ZFP14: variants seen among roughly 807,000 people sequenced by gnomAD.
The protein encoded by ZFP14 is zinc finger protein 14 homolog.
ZFP14 carries 22 observed loss-of-function variants against 54.5 expected under a neutral mutation model. The ratio of observed to expected loss-of-function variants is 0.40; its 90% confidence interval spans 0.29 to 0.58. The LOEUF (loss-of-function observed/expected upper bound fraction) is 0.58. Among genes scored for constraint, ZFP14 ranks in the 20% least tolerant of loss-of-function variants. The pLI, the probability that ZFP14 is intolerant of heterozygous loss-of-function variation, is 0.39. For synonymous variants in ZFP14, 159 were observed against 204.0 expected (o/e 0.78, Z 1.88); for missense variants, 470 against 637.8 (o/e 0.74, Z 2.83).
At chr19:36,353,629 C>T (rs1356336991) in intron 4 of ZFP14, among the ~76,000 whole-genome samples, 1 of 125,658 alleles carries the variant, frequency 8.0e-6, no homozygotes, top group Non-Finnish European at 1.7e-5. Flanking sequence ...AACCAGGAGG[C>T]GGAGGTTGCA....
rs766774368 is a variant in ZFP14, at chr19:36,341,592, T to C, written c.236-2A>G. ...TGGTCCTGTATCTGGACTCCAAATC[T>C]GAAAGAAAACAAGAAAGCAAATACA... On this transcript the variant is annotated splice_acceptor_variant, in intron 4 of 4. Coordinates refer to ENST00000270001, the MANE Select transcript of ZFP14 (RefSeq NM_020917.3). LOFTEE classifies it high-confidence loss of function. The surrounding 1 kb of genome is among the most constrained non-coding windows in gnomAD (Gnocchi z 4.2). 2 of 1,547,266 alleles carry C rather than the reference T, an allele frequency of 1.3e-6. No homozygotes were observed. Among genetic ancestry groups the C allele is most frequent in the Non-Finnish European group, 1.7e-6 (2 of 1,152,528 alleles).
chr19:36,349,253 A>AAAAAAAAAAAAAAAAAAAAG (rs2031479678), intron 4 of ZFP14, among the ~76,000 whole-genome samples: 1 of 70,374 alleles, frequency 1.4e-5, no homozygotes, highest in Non-Finnish European at 2.9e-5. Context: ...CAAAAAAAAA[A>AAAAAAAAAAAAAAAAAAAAG]AAACAAAAAA....
intron 1 of ZFP14, among the ~76,000 whole-genome samples, chr19:36,368,286 T>C (rs2145561105): frequency 6.6e-6 from 1 of 152,240 alleles, no homozygotes; most frequent in South Asian, 2.1e-4. Flanking sequence ...CTGACCAACA[T>C]GCAGAAACCC....
intron 1 of ZFP14, among the ~76,000 whole-genome samples, chr19:36,374,948 C>CG (rs1845079750): frequency 6.7e-6 from 1 of 148,332 alleles, no homozygotes; most frequent in African/African-American, 2.5e-5. Context: ...TTCTGAGTGG[C>CG]TTTTTTTTTT....
rs577511070 is a variant in ZFP14, at chr19:36,375,927, G to A, written c.-80+3236C>T. 1.8e-3 allele frequency among the ~76,000 whole-genome samples: 268 copies of A among 151,238 alleles called. 3 individuals are homozygous for A. The South Asian group carries it at 0.023, about 13-fold the overall frequency. ...AGGTTGGTCTTAAACTCCTGACCTC[G>A]GGTAATGCACCTGCCTTGGCCTCCC... On this transcript the variant is annotated intron_variant, in intron 1 of 4. Coordinates refer to ENST00000270001, the MANE Select transcript of ZFP14 (RefSeq NM_020917.3).
intron 2 of ZFP14, among the ~76,000 whole-genome samples, chr19:36,363,663 G>A (rs2031747391): frequency 6.6e-6 from 1 of 151,944 alleles, no homozygotes; most frequent in African/African-American, 2.4e-5. Context: ...TGCACGGGAC[G>A]GCCCCCTACA....
chr19:36,340,028 ATTCATTACATTATTCT>A lies in ZFP14; in HGVS notation c.*180_*195del. ...CAGATAAGGCTAAAGATTTTCCTAC[ATTCATTACATTATTCT>A]CTCATAGGAATTTGCTGAAGATAAA... On this transcript the variant is annotated 3_prime_UTR_variant, in exon 5 of 5. Transcript: ENST00000270001. This position sits in a 1 kb window ranked among gnomAD's most constrained non-coding sequence, Gnocchi z 5.4. 1 of 506,686 alleles carries A rather than the reference ATTCATTACATTATTCT, an allele frequency of 2.0e-6. No individual in the cohort carries two copies. The highest frequency in any genetic ancestry group is 4.8e-5 in the South Asian group (1 of 20,732). 31.4% of individuals were successfully genotyped at this position (506,686 alleles called of 1,614,324 possible).
At chr19:36,366,271 A>C (rs1050781033) in intron 2 of ZFP14, among the ~76,000 whole-genome samples, 27 of 152,190 alleles carry the variant, frequency 1.8e-4, no homozygotes, top group Admixed American at 1.8e-3. Context: ...CTGTCTCAAA[A>C]AAAAAAAATT....
At chr19:36,364,066 T>C (rs2031754367) in intron 2 of ZFP14, among the ~76,000 whole-genome samples, 2 of 151,980 alleles carry the variant, frequency 1.3e-5, no homozygotes, top group East Asian at 1.9e-4. Context: ...AAATACACAA[T>C]GGACCTCGTT....
intron 2 of ZFP14, among the ~76,000 whole-genome samples, chr19:36,365,452 G>C (rs2031779710): frequency 6.6e-6 from 1 of 152,140 alleles, no homozygotes; most frequent in Non-Finnish European, 1.5e-5. Flanking sequence ...GTATGGAAAA[G>C]TGTTTCCAAC....
At chr19:36,346,306 GAAAACA>G (rs965147454) in intron 4 of ZFP14, among the ~76,000 whole-genome samples, 5 of 151,168 alleles carry the variant, frequency 3.3e-5, no homozygotes, top group African/African-American at 7.3e-5. Context: ...AGGTTGTTTG[GAAAACA>G]AAAACAAAAA....
At chr19:36,361,964 C>T in intron 3 of ZFP14, 148 bp downstream of exon 3, 1 of 813,328 alleles carries the variant, frequency 1.2e-6, no homozygotes. Flanking sequence ...GCAGACTGGA[C>T]ATGATGAAAT....
chr19:36,367,175 A>C (rs2031807871), intron 2 of ZFP14, among the ~76,000 whole-genome samples: 2 of 151,892 alleles, frequency 1.3e-5, no homozygotes, highest in African/African-American at 4.8e-5. Flanking sequence ...AAAATGTCAT[A>C]TTATGTATTG....
At chr19:36,364,103 A>C (rs1036709747) in intron 2 of ZFP14, among the ~76,000 whole-genome samples, 2 of 152,218 alleles carry the variant, frequency 1.3e-5, no homozygotes, top group African/African-American at 4.8e-5. Context: ...GCAGGAGGAA[A>C]TCTCCATTGA....
In ZFP14 at chr19:36,360,535, T is replaced by G. The variant is rs765048714; in HGVS notation, c.137-2A>C. The G allele has an allele frequency of 5.6e-6, 9 of 1,607,114 alleles. No individual in the cohort carries two copies. The highest frequency in any genetic ancestry group is 1.1e-5 in the South Asian group (1 of 89,026). ...CATCTGGTTTAGAAATGGAAGGTCCTGCTTAAAAGAAAAATGTGACATGGA... is the reference window on the plus strand; with the variant it reads ...CATCTGGTTTAGAAATGGAAGGTCCGGCTTAAAAGAAAAATGTGACATGGA... On this transcript the variant is annotated splice_acceptor_variant, in intron 3 of 4. Coordinates refer to ENST00000270001, the MANE Select transcript of ZFP14 (RefSeq NM_020917.3). LOFTEE classifies it high-confidence loss of function.
intron 2 of ZFP14, among the ~76,000 whole-genome samples, chr19:36,366,075 G>A (rs1053289768): frequency 6.6e-6 from 1 of 151,744 alleles, no homozygotes; most frequent in Non-Finnish European, 1.5e-5. Flanking sequence ...GACCAGCCTG[G>A]CCGACATGGT....
Position 36,340,995 on chromosome 19 carries a change from A to C in ZFP14, c.831T>G (p.Ile277Met). ...ATTCATAGGGTTTCTCACCAGTGTG[A>C]ATTCTCTGATGTCGAGCCAGTTGCT... ...VHQQLARHQR[I>M]HTGEKPYECK... The change falls in exon 5 of 5, where the codon ATT becomes ATG. Residue 277 changes from isoleucine (I) to methionine (M), a missense_variant. By Grantham distance (10) the Ile-to-Met change is conservative. Coordinates refer to ENST00000270001, the MANE Select transcript of ZFP14 (RefSeq NM_020917.3). The surrounding 1 kb of genome is among the most constrained non-coding windows in gnomAD (Gnocchi z 5.4). 6.2e-7 allele frequency: 1 copy of C among 1,614,126 alleles called. No homozygotes were observed. The highest frequency in any genetic ancestry group is 8.5e-7 in the Non-Finnish European group (1 of 1,180,028).
intron 1 of ZFP14, among the ~76,000 whole-genome samples, chr19:36,374,489 CAAAA>C (rs398034483): frequency 5.7e-5 from 4 of 70,524 alleles, no homozygotes; most frequent in Admixed American, 1.5e-4. Flanking sequence ...GACTCTGTCT[CAAAA>C]AAAAAAAAAA....
intron 2 of ZFP14, 109 bp from the exon 3 acceptor site, chr19:36,362,347 A>G: frequency 8.2e-7 from 1 of 1,219,214 alleles, no homozygotes; most frequent in Non-Finnish European, 1.1e-6. Context: ...ATAGCATGCA[A>G]ACAGCATTGG....
Sources: allele counts gnomAD v4.1 joint callset (sites outside exome capture counted in the v4.1 genomes callset), GRCh38; gene constraint gnomAD v4.1.1; non-coding constraint Gnocchi (gnomAD v3.1); transcripts MANE v1.5; gene names NCBI Gene and HGNC (gene_info 2026-07-23, HGNC 2026-07-21).